DOC2A: variants seen among roughly 807,000 people sequenced by gnomAD.
DOC2A encodes double C2-like domain-containing protein alpha.
In DOC2A, 28 loss-of-function variants were observed where a neutral mutation model predicts 40.6. The observed-to-expected ratio is 0.69, with a 90% CI of 0.51 to 0.95. The LOEUF is 0.95. DOC2A is among the 40% of genes least tolerant of loss of function. The pLI is 0.00. For synonymous variants in DOC2A, 241 were observed against 236.9 expected (o/e 1.02, Z -0.16); for missense variants, 474 against 552.5 (o/e 0.86, Z 1.42).
Position 30,019,801 on chromosome 16 carries a change from C to G in DOC2A, c.-376+1382G>C, listed in dbSNP as rs561998106. Reference sequence around the variant, plus strand: ...CCAGGCTGGAGTGCAGTGGTGCGATCTTGGCTCACTGCAACCTCCACCTAC... The same window carrying G: ...CCAGGCTGGAGTGCAGTGGTGCGATGTTGGCTCACTGCAACCTCCACCTAC... On this transcript the variant is annotated intron_variant, in intron 1 of 5. Transcript: ENST00000574405. Among the ~76,000 whole-genome samples the G allele has an allele frequency of 1.8e-3, 270 of 151,470 alleles. 1 individual carries two copies. The highest frequency in any genetic ancestry group is 6.0e-3 in the African/African-American group (247 of 41,228).
upstream of DOC2A, among the ~76,000 whole-genome samples, chr16:30,022,206 G>A (rs7193065): frequency 1.4e-5 from 2 of 143,740 alleles, no homozygotes; most frequent in Non-Finnish European, 3.0e-5. Flanking sequence ...GAGATTGTGC[G>A]TCTGCACTCC....
At chr16:30,022,386 A>G (rs1183178861), upstream of DOC2A, among the ~76,000 whole-genome samples, 1 of 150,622 alleles carries the variant, frequency 6.6e-6, no homozygotes, top group Non-Finnish European at 1.5e-5. Context: ...AATAAATGCT[A>G]CCTGCTGGGC....
In DOC2A at chr16:30,005,886, T is replaced by TGGAGAGGCA. The variant is rs2070566063; in HGVS notation, c.*291_*299dup. On this transcript the variant is annotated 3_prime_UTR_variant, in exon 11 of 11. Coordinates refer to ENST00000350119, the MANE Select transcript of DOC2A (RefSeq NM_003586.3). Reference sequence around the variant, plus strand: ...GTTGGGGGAGAGGGACGGGGCAGCGTGGAGAGGCAGGAGTGAGGAGCGCGG... The same window carrying TGGAGAGGCA: ...GTTGGGGGAGAGGGACGGGGCAGCGTGGAGAGGCAGGAGAGGCAGGAGTGAGGAGCGCGG... 3 of 494,032 alleles carry TGGAGAGGCA rather than the reference T, an allele frequency of 6.1e-6. No homozygotes were observed. The highest frequency in any genetic ancestry group is 1.1e-5 in the Non-Finnish European group (3 of 277,078). 30.6% of individuals were successfully genotyped at this position (494,032 alleles called of 1,614,324 possible).
Position 30,006,121 on chromosome 16 carries a change from C to T in DOC2A, c.*65G>A, listed in dbSNP as rs2070575815. On this transcript the variant is annotated 3_prime_UTR_variant, in exon 11 of 11. Transcript: ENST00000350119. The surrounding 1 kb of genome is among the most constrained non-coding windows in gnomAD (Gnocchi z 6.2). ...GCCCACCCTGTGTAAACGTGCAACACACTCGTGCGAAGGTTGGGTACTGGA... is the reference window on the plus strand; with the variant it reads ...GCCCACCCTGTGTAAACGTGCAACATACTCGTGCGAAGGTTGGGTACTGGA... The T allele has an allele frequency of 1.3e-6, 2 of 1,516,252 alleles. No homozygotes were observed. The highest frequency in any genetic ancestry group is 1.8e-6 in the Non-Finnish European group (2 of 1,126,258). The allele number at this position is 1,516,252 out of a possible 1,614,324, so 93.9% of individuals were successfully genotyped here.
At chr16:30,015,796 G>C (rs1160108825), upstream of DOC2A, among the ~76,000 whole-genome samples, 1 of 148,644 alleles carries the variant, frequency 6.7e-6, no homozygotes, top group East Asian at 2.0e-4. Flanking sequence ...GAACTCTTGG[G>C]CTCAGGCGAT....
chr16:30,009,857 C>G lies in DOC2A; in HGVS notation c.262+104G>C, dbSNP rs1013770552. ...TGCCACCCCCCCACTGCCCTCCTCC[C>G]CTACCTACATGCACAGCCAGCAGGG... is the stretch of plus-strand genomic sequence containing the variant. On this transcript the variant is annotated intron_variant, in intron 2 of 10. Coordinates refer to ENST00000350119, the MANE Select transcript of DOC2A (RefSeq NM_003586.3). The surrounding 1 kb of genome is among the most constrained non-coding windows in gnomAD (Gnocchi z 4.1). 7.1e-7 allele frequency: 1 copy of G among 1,405,446 alleles called. No homozygotes were observed. The allele number at this position is 1,405,446 out of a possible 1,614,324, so 87.1% of individuals were successfully genotyped here.
Position 30,010,546 on chromosome 16 carries a change from C to A in DOC2A, c.-13-311G>T, listed in dbSNP as rs1456337615. 2 of 439,076 alleles carry A rather than the reference C, an allele frequency of 4.6e-6. No homozygotes were observed. Among genetic ancestry groups the A allele is most frequent in the African/African-American group, 4.0e-5 (2 of 49,910 alleles). The allele number at this position is 439,076 out of a possible 1,614,324, so 27.2% of individuals were successfully genotyped here. A position where few individuals can be genotyped will look rare whatever the true frequency, so the allele number is the denominator to read the frequency against. ...GCTCCTTCCTCTCCTCCGGGGCTCC[C>A]CTCTGCTCCTGAGCCTGCCTGTCCC... On this transcript the variant is annotated intron_variant, in intron 1 of 10. Coordinates refer to ENST00000350119, the MANE Select transcript of DOC2A (RefSeq NM_003586.3). This position sits in a 1 kb window ranked among gnomAD's most constrained non-coding sequence, Gnocchi z 4.2.
Position 30,005,861 on chromosome 16 carries a change from G to A in DOC2A, c.*325C>T, listed in dbSNP as rs1195686341. 7 of 485,388 alleles carry A rather than the reference G, an allele frequency of 1.4e-5. No homozygotes were observed. Among genetic ancestry groups the A allele is most frequent in the African/African-American group, 2.0e-5 (1 of 51,240 alleles). The allele number at this position is 485,388 out of a possible 1,614,324, so 30.1% of individuals were successfully genotyped here. A position where few individuals can be genotyped will look rare whatever the true frequency, so the allele number is the denominator to read the frequency against. Reference sequence around the variant, plus strand: ...CCTCCCCTAATCCGACCTCCTCCCTGTTGGGGGAGAGGGACGGGGCAGCGT... The same window carrying A: ...CCTCCCCTAATCCGACCTCCTCCCTATTGGGGGAGAGGGACGGGGCAGCGT... On this transcript the variant is annotated 3_prime_UTR_variant, in exon 11 of 11. Transcript: ENST00000350119.
rs879872619 is a variant in DOC2A, at chr16:30,010,416, GACTCC to G, written c.-13-186_-13-182del. 2.3e-4 allele frequency: 179 copies of G among 779,570 alleles called. 1 individual carries two copies. Among genetic ancestry groups the G allele is most frequent in the Admixed American group, 5.0e-4 (23 of 46,374 alleles). The allele number at this position is 779,570 out of a possible 1,614,324, so 48.3% of individuals were successfully genotyped here. ...GCCTGGGCCCTGCAGACCCCAAGCT[GACTCC>G]ACAGGGGCTGGGCTGCCAACCCACT... On this transcript the variant is annotated intron_variant, in intron 1 of 10. Coordinates refer to ENST00000350119, the MANE Select transcript of DOC2A (RefSeq NM_003586.3). This position sits in a 1 kb window ranked among gnomAD's most constrained non-coding sequence, Gnocchi z 4.2.
upstream of DOC2A, among the ~76,000 whole-genome samples, chr16:30,017,262 G>A (rs1021397926): frequency 6.9e-6 from 1 of 145,314 alleles, no homozygotes; most frequent in African/African-American, 2.6e-5. Flanking sequence ...CTGAGTGACA[G>A]AGTGAGACCC....
Position 30,006,379 on chromosome 16 carries a change from C to A in DOC2A, c.1057+34G>T, listed in dbSNP as rs368650314. 1 of 1,613,336 alleles carries A rather than the reference C, an allele frequency of 6.2e-7. No homozygotes were observed. The highest frequency in any genetic ancestry group is 1.3e-5 in the African/African-American group (1 of 74,900). On this transcript the variant is annotated intron_variant, in intron 10 of 10. Coordinates refer to ENST00000350119, the MANE Select transcript of DOC2A (RefSeq NM_003586.3). The surrounding 1 kb of genome is among the most constrained non-coding windows in gnomAD (Gnocchi z 6.2). ...CAGGGCCACCTCCCTGCCACTTGCC[C>A]GCCCTCAACACCCGCAGCCAGCTCC...
upstream of DOC2A, among the ~76,000 whole-genome samples, chr16:30,017,278 CAAAA>C (rs34047589): frequency 5.6e-5 from 7 of 125,002 alleles, no homozygotes; most frequent in African/African-American, 5.9e-5. Context: ...GACCCTGTCT[CAAAA>C]AAAAAAAAAA....
rs1487601103 is a variant in DOC2A at position 30,010,023 on chromosome 16, A to T, written c.200T>A (p.Leu67His). 1.2e-6 allele frequency: 2 copies of T among 1,611,968 alleles called. No homozygotes were observed. Among genetic ancestry groups the T allele is most frequent in the East Asian group, 2.2e-5 (1 of 44,858 alleles). ...VPLALAPPAA[L>H]LGATTPEDGA... ...ATCCTCAGGCGTGGTGGCCCCAAGG[A>T]GGGCTGCAGGGGGGGCCAGAGCCAG... The change falls in exon 2 of 11, where the codon CTC becomes CAC. Residue 67 changes from leucine to histidine, a missense_variant. Physicochemically the swap from Leu to His is moderately conservative, Grantham distance 99. Transcript: ENST00000350119. This position sits in a 1 kb window ranked among gnomAD's most constrained non-coding sequence, Gnocchi z 4.2.
chr16:30,018,056 C>T (rs1429190095), intron 1 of DOC2A, among the ~76,000 whole-genome samples: 3 of 142,650 alleles, frequency 2.1e-5, no homozygotes, highest in South Asian at 4.5e-4. Context: ...CCTTGAGCCC[C>T]GGAGTTCAAG....
At chr16:30,014,088 C>A (rs1224150851), upstream of DOC2A, among the ~76,000 whole-genome samples, 1 of 151,614 alleles carries the variant, frequency 6.6e-6, no homozygotes, top group African/African-American at 2.4e-5. Flanking sequence ...AAGCAGGGGA[C>A]CAGTTAAATC....
At chr16:30,012,000 C>T (rs1246478780), upstream of DOC2A, among the ~76,000 whole-genome samples, 2 of 152,156 alleles carry the variant, frequency 1.3e-5, no homozygotes, top group Non-Finnish European at 2.9e-5. Flanking sequence ...CCCCCCTGCC[C>T]GGCCCTGCGC....
At chr16:30,007,144 C>T in intron 6 of DOC2A, 29 bp downstream of exon 6, 6 of 1,613,608 alleles carry the variant, frequency 3.7e-6, no homozygotes, top group African/African-American at 1.3e-5. Flanking sequence ...GGCCCCCTCC[C>T]CTGGCGCCCC....
In DOC2A at chr16:30,006,361, A is replaced by G; in HGVS notation, c.1058-30T>C. On this transcript the variant is annotated intron_variant, in intron 10 of 10. Coordinates refer to ENST00000350119, the MANE Select transcript of DOC2A (RefSeq NM_003586.3). The surrounding 1 kb of genome is among the most constrained non-coding windows in gnomAD (Gnocchi z 6.2). The stretch of plus-strand genomic sequence containing the variant: ...GGAGCAGGTGGGCAGGGTCAGGGCC[A>G]CCTCCCTGCCACTTGCCCGCCCTCA... The G allele has an allele frequency of 3.7e-6, 6 of 1,611,528 alleles. No homozygotes were observed. Among genetic ancestry groups the G allele is most frequent in the Non-Finnish European group, 5.1e-6 (6 of 1,179,574 alleles).
Position 30,020,069 on chromosome 16 carries a change from C to T in DOC2A, c.-376+1114G>A, listed in dbSNP as rs201956176. On this transcript the variant is annotated intron_variant, in intron 1 of 5. Coordinates refer to the DOC2A transcript ENST00000574405. ...GGCTACAGGCGCATGCTACCGCACCCGGCTTATTTTTGTATTTTTAGTAGA... is the reference window on the plus strand; with the variant it reads ...GGCTACAGGCGCATGCTACCGCACCTGGCTTATTTTTGTATTTTTAGTAGA... 4.6e-5 allele frequency among the ~76,000 whole-genome samples: 7 copies of T among 152,230 alleles called. No homozygotes were observed. In the East Asian group the frequency reaches 7.7e-4, roughly 17 times the overall value.
Sources: gnomAD v4.1 joint callset for allele counts (sites outside exome capture counted in the v4.1 genomes callset) on GRCh38, gnomAD v4.1.1 for gene constraint, Gnocchi (gnomAD v3.1) non-coding constraint, MANE v1.5 for transcripts, NCBI Gene and HGNC (gene_info 2026-07-23, HGNC 2026-07-21) for gene names.